Variants in AHI1 observed in about 807,000 individuals in gnomAD.
AHI1 encodes the protein Abelson helper integration site 1.
Under a neutral mutation model 149.3 loss-of-function variants are expected in AHI1, and 123 were observed. That is an observed-to-expected ratio of 0.82 (90% CI 0.71 to 0.96). The LOEUF (loss-of-function observed/expected upper bound fraction) is 0.96. AHI1 is among the 40% of genes least tolerant of loss of function. The pLI is 0.00. For synonymous variants in AHI1, 475 were observed against 459.8 expected (o/e 1.03, Z -0.42); for missense variants, 1,439 against 1,422.7 (o/e 1.01, Z -0.18).
chr6:135,488,255 C>A (rs1053167924), intron 5 of AHI1, among the ~76,000 whole-genome samples: 4 of 152,136 alleles, frequency 2.6e-5, no homozygotes, highest in Non-Finnish European at 4.4e-5. Flanking sequence ...ATTATTGTTT[C>A]TGCTCCACTA....
intron 15 of AHI1, among the ~76,000 whole-genome samples, chr6:135,433,776 A>C (rs989236336): frequency 3.9e-5 from 6 of 152,028 alleles, no homozygotes; most frequent in Non-Finnish European, 8.8e-5. Flanking sequence ...GAGATACTAA[A>C]ATTATTATAT....
chr6:135,441,005 G>T (rs1786212742), intron 14 of AHI1, among the ~76,000 whole-genome samples: 1 of 151,798 alleles, frequency 6.6e-6, no homozygotes. Flanking sequence ...CCCAGACGCT[G>T]GGCTTTCTCA....
intron 23 of AHI1, among the ~76,000 whole-genome samples, chr6:135,391,321 C>G (rs1305268039): frequency 3.9e-5 from 6 of 152,148 alleles, no homozygotes; most frequent in Non-Finnish European, 8.8e-5. Context: ...TTTCCATGGA[C>G]TTGGGGGCAG....
intron 23 of AHI1, among the ~76,000 whole-genome samples, chr6:135,383,225 C>CATTTTTTTT (rs1237358406): frequency 1.7e-5 from 1 of 58,762 alleles, no homozygotes; most frequent in Non-Finnish European, 2.9e-5. Context: ...TTCCCCCCTC[C>CATTTTTTTT]CTTTTTTTTT....
intron 26 of AHI1, chr6:135,307,174 T>G (rs868639447): frequency 6.6e-6 from 1 of 152,298 alleles, no homozygotes; most frequent in Admixed American, 6.5e-5. Flanking sequence ...TGTTCCAACA[T>G]GTTGAAACAT....
intron 3 of AHI1, chr6:135,493,001 C>T (rs1795471559): frequency 1.0e-6 from 1 of 964,812 alleles, no homozygotes; most frequent in African/African-American, 1.8e-5. Flanking sequence ...AAAGCTGGTT[C>T]AGGAATTATT....
Position 135,465,951 on chromosome 6 carries a change from A to G in AHI1, c.612T>C (p.Ile204=). The change falls in exon 7 of 29, where the codon ATT becomes ATC. Residue 204 remains isoleucine, a synonymous_variant. Transcript: ENST00000265602. ...TCAGTTTCTTTCTTATTTTCCTCTT[A>G]ATCTCCTTTGCCATTTCTTCAGTTA... ...CHVTEEMAKE[I]KRKIRKKLKE... 6.2e-7 allele frequency: 1 copy of G among 1,611,110 alleles called. No individual in the cohort carries two copies. Among genetic ancestry groups the G allele is most frequent in the Non-Finnish European group, 8.5e-7 (1 of 1,179,238 alleles).
chr6:135,491,616 T>C (rs1795259776), intron 4 of AHI1, among the ~76,000 whole-genome samples: 2 of 152,232 alleles, frequency 1.3e-5, no homozygotes, highest in Non-Finnish European at 2.9e-5. Flanking sequence ...ACATATTTTC[T>C]GTTTCCCCCA....
Position 135,466,305 on chromosome 6 carries a change from G to A in AHI1, c.258C>T (p.Asn86=), listed in dbSNP as rs750440584. The change falls in exon 7 of 29, where the codon AAC becomes AAT. Residue 86 remains asparagine (N), a synonymous_variant. Transcript: ENST00000265602. ...TCGTGCTCTTCTTCAGGTTGTTAGT[G>A]TTAGCAGCACTTACATCATCACTTG... ...ETTSDDVSAA[N]TNNLKKSTRV... 1.9e-6 allele frequency: 3 copies of A among 1,613,876 alleles called. No individual in the cohort carries two copies. Among genetic ancestry groups the A allele is most frequent in the Non-Finnish European group, 2.5e-6 (3 of 1,179,836 alleles).
intron 11 of AHI1, among the ~76,000 whole-genome samples, chr6:135,448,952 G>A (rs913840443): frequency 1.3e-5 from 2 of 151,986 alleles, no homozygotes; most frequent in Admixed American, 6.6e-5. Context: ...CAAGCCATTC[G>A]TTACATTTTT....
Position 135,368,056 on chromosome 6 carries a change from T to C in AHI1, c.3110-9869A>G, listed in dbSNP as rs559731229. ...GTCCCACGGGATGCCCCTGATGTGG[T>C]GCTCTCCCCATTCCCCTAAGGATGG... On this transcript the variant is annotated intron_variant, in intron 23 of 28. Transcript: ENST00000265602. Among the ~76,000 whole-genome samples, 3 of 152,324 alleles carry C rather than the reference T, an allele frequency of 2.0e-5. No homozygotes were observed. The South Asian group carries it at 6.2e-4, about 32-fold the overall frequency.
chr6:135,467,469 T>G (rs1393636347), intron 6 of AHI1, 112 bp downstream of exon 6: 15 of 827,350 alleles, frequency 1.8e-5, no homozygotes, highest in Non-Finnish European at 3.0e-5. Flanking sequence ...AAAGTTTAAC[T>G]GATGTGTTGA....
At chr6:135,403,007 G>T (rs749957275) in intron 22 of AHI1, among the ~76,000 whole-genome samples, 8 of 152,056 alleles carry the variant, frequency 5.3e-5, no homozygotes, top group Non-Finnish European at 1.0e-4. Flanking sequence ...TCCTGAAAAC[G>T]TTATTTTGAG....
At chr6:135,294,405 TG>T (rs1238099731) in intron 27 of AHI1, among the ~76,000 whole-genome samples, 1 of 150,026 alleles carries the variant, frequency 6.7e-6, no homozygotes. Context: ...GCTACTTGGG[TG>T]GCTGAGGCAG....
At chr6:135,384,882 A>G (rs1260841451) in intron 23 of AHI1, among the ~76,000 whole-genome samples, 2 of 152,138 alleles carry the variant, frequency 1.3e-5, no homozygotes, top group East Asian at 1.9e-4. Flanking sequence ...TGAGGTCAGG[A>G]GTTCAACACC....
chr6:135,293,391 G>T (rs1414808167), intron 27 of AHI1, among the ~76,000 whole-genome samples: 1 of 70,002 alleles, frequency 1.4e-5, no homozygotes. Flanking sequence ...TGTTAACAGG[G>T]CAAAAAAAAA....
chr6:135,467,176 G>A (rs1790902888), intron 6 of AHI1, among the ~76,000 whole-genome samples: 1 of 152,088 alleles, frequency 6.6e-6, no homozygotes, highest in African/African-American at 2.4e-5. Flanking sequence ...ATAAACTGCA[G>A]AGGCAGACCA....
At chr6:135,363,979 G>T (rs1794434568) in intron 23 of AHI1, among the ~76,000 whole-genome samples, 2 of 146,778 alleles carry the variant, frequency 1.4e-5, no homozygotes, top group East Asian at 2.0e-4. Flanking sequence ...GGGGCGGCTG[G>T]CCGGGCAGAG....
At chr6:135,422,077 G>A (rs774061633) in intron 20 of AHI1, among the ~76,000 whole-genome samples, 2 of 152,024 alleles carry the variant, frequency 1.3e-5, no homozygotes, top group Non-Finnish European at 2.9e-5. Flanking sequence ...TATGTACATC[G>A]TATTGCAAAT....
Sources: gnomAD v4.1 joint callset for allele counts (sites outside exome capture counted in the v4.1 genomes callset) on GRCh38, gnomAD v4.1.1 for gene constraint, MANE v1.5 for transcripts, NCBI Gene and HGNC (gene_info 2026-07-23, HGNC 2026-07-21) for gene names.